TRMT44: variants seen among roughly 807,000 people sequenced by gnomAD.
The protein encoded by TRMT44 is tRNA methyltransferase 44 homolog.
A neutral mutation model predicts 77.3 loss-of-function variants in TRMT44; 78 were observed. The observed-to-expected ratio is 1.01, with a 90% CI of 0.84 to 1.22. The LOEUF (loss-of-function observed/expected upper bound fraction) is 1.22, where lower values mean the gene tolerates loss of function less well. Ranked by LOEUF, TRMT44 falls within the 50% of genes most tolerant of loss-of-function variation. The pLI, the probability that TRMT44 is intolerant of heterozygous loss-of-function variation, is 0.00. For synonymous variants in TRMT44, 391 were observed against 383.3 expected (o/e 1.02, Z -0.23); for missense variants, 1,090 against 964.4 (o/e 1.13, Z -1.73).
At chr4:8,491,707 C>CG (rs1728012369) in intron 2 of TRMT44, among the ~76,000 whole-genome samples, 1 of 152,232 alleles carries the variant, frequency 6.6e-6, no homozygotes, top group South Asian at 2.1e-4. Context: ...GCTCCGAGTG[C>CG]AGGCCCGCCA....
At chr4:8,468,392 T>C (rs1473948440) in intron 9 of TRMT44, 46 bp downstream of exon 9, 1 of 1,583,964 alleles carries the variant, frequency 6.3e-7, no homozygotes, top group Admixed American at 1.7e-5. Flanking sequence ...GCTCCCAGGC[T>C]TGAGGGCAGG....
chr4:8,458,261 C>T (rs1223022317), intron 6 of TRMT44, among the ~76,000 whole-genome samples: 1 of 152,148 alleles, frequency 6.6e-6, no homozygotes, highest in Non-Finnish European at 1.5e-5. Flanking sequence ...TGAAGTTACA[C>T]TGAATGTGCC....
At chr4:8,510,822 G>A in the TRMT44 span, 2 of 152,310 alleles carry the variant, frequency 1.3e-5, no homozygotes, top group African/African-American at 4.8e-5. Flanking sequence ...GGGGGCACAG[G>A]GCTCCCCAAG....
chr4:8,492,696 C>G (rs1343743150), intron 2 of TRMT44, among the ~76,000 whole-genome samples: 1 of 152,226 alleles, frequency 6.6e-6, no homozygotes, highest in Non-Finnish European at 1.5e-5. Context: ...GGACAAATGA[C>G]AGAACTCAAA....
At chr4:8,497,636 C>T (rs1281313836), downstream of TRMT44, among the ~76,000 whole-genome samples, 1 of 152,046 alleles carries the variant, frequency 6.6e-6, no homozygotes, top group East Asian at 1.9e-4. Context: ...CACAGTGAGA[C>T]TCCATCTCAA....
chr4:8,498,278 A>C (rs1257348716), downstream of TRMT44, among the ~76,000 whole-genome samples: 9 of 152,194 alleles, frequency 5.9e-5, no homozygotes. The surrounding 1 kb of genome is among the most constrained non-coding windows in gnomAD (Gnocchi z 4.3). Flanking sequence ...AAAGCCGAGT[A>C]AATGCAGATT....
the TRMT44 span, among the ~76,000 whole-genome samples, chr4:8,505,968 T>C: frequency 6.6e-6 from 1 of 152,232 alleles, no homozygotes; most frequent in Admixed American, 6.5e-5. Context: ...TCCCCAACCA[T>C]GTGGAACTGT....
In TRMT44 at chr4:8,446,200, A is replaced by G. The variant is rs754751208; in HGVS notation, c.620-276A>G. Among the ~76,000 whole-genome samples the G allele has an allele frequency of 5.3e-5, 8 of 152,166 alleles. No homozygotes were observed. The highest frequency in any genetic ancestry group is 1.2e-4 in the African/African-American group (5 of 41,432). ...CTCTGATTGTAGCTCTCAAGTTCCA[A>G]TAGAGTCCACATTGGCTGGCTCTTC... On this transcript the variant is annotated intron_variant, in intron 1 of 10. Transcript: ENST00000389737. The surrounding 1 kb of genome is among the most constrained non-coding windows in gnomAD (Gnocchi z 4.3).
the TRMT44 span, among the ~76,000 whole-genome samples, chr4:8,513,417 C>T: frequency 2.0e-5 from 3 of 152,222 alleles, no homozygotes; most frequent in Non-Finnish European, 4.4e-5. Flanking sequence ...CACTGGGATC[C>T]TCCCACGACA....
chr4:8,455,421 C>T (rs1054823236), intron 6 of TRMT44, among the ~76,000 whole-genome samples: 5 of 152,240 alleles, frequency 3.3e-5, no homozygotes, highest in African/African-American at 4.8e-5. Flanking sequence ...GGATCACCTC[C>T]GGGCACACAG....
rs757641799 is a variant in TRMT44 at position 8,467,956 on chromosome 4, GA to G, written c.1539del (p.Ala514LeufsTer19). On this transcript the variant is annotated frameshift_variant, in exon 9 of 11. Transcript: ENST00000389737. LOFTEE classifies it high-confidence loss of function. Reference sequence around the variant, plus strand: ...ATCCAGAACATACCCTTCCTCCAGAGAAGCTTCCGTGGATGAAAAGAGGACT... The same window carrying G: ...ATCCAGAACATACCCTTCCTCCAGAGAGCTTCCGTGGATGAAAAGAGGACT... ...GKSRTYPSSR[E>X]ASVDEKRTQY... 1.1e-5 allele frequency: 18 copies of G among 1,613,784 alleles called. No homozygotes were observed. In the African/African-American group the frequency reaches 2.4e-4, roughly 21 times the overall value.
At chr4:8,465,827 G>T (rs1029070188) in intron 8 of TRMT44, among the ~76,000 whole-genome samples, 1 of 152,200 alleles carries the variant, frequency 6.6e-6, no homozygotes, top group African/African-American at 2.4e-5. Flanking sequence ...GCTCTGAGTG[G>T]CCCCAGGGGA....
chr4:8,441,678 G>C (rs1724713430), intron 1 of TRMT44, among the ~76,000 whole-genome samples: 1 of 152,308 alleles, frequency 6.6e-6, no homozygotes, highest in Non-Finnish European at 1.5e-5. Flanking sequence ...GGACTAGCTG[G>C]ATATTGCGTA....
At chr4:8,491,866 C>T (rs570380387) in intron 2 of TRMT44, among the ~76,000 whole-genome samples, 83 of 152,360 alleles carry the variant, frequency 5.4e-4, no homozygotes, top group African/African-American at 1.5e-3. Flanking sequence ...CACAGTGCAG[C>T]GGTGGGCTGA....
At chr4:8,471,426 TC>T (rs1726989401) in intron 10 of TRMT44, among the ~76,000 whole-genome samples, 1 of 152,154 alleles carries the variant, frequency 6.6e-6, no homozygotes, top group East Asian at 1.9e-4. Context: ...CCATGCGATG[TC>T]CCCAGGCTGG....
At chr4:8,483,879 G>T (rs951504601) in intron 2 of TRMT44, among the ~76,000 whole-genome samples, 4 of 152,156 alleles carry the variant, frequency 2.6e-5, no homozygotes, top group Non-Finnish European at 4.4e-5. Flanking sequence ...TAGACTAAGA[G>T]GTATTTTAGT....
intron 6 of TRMT44, among the ~76,000 whole-genome samples, chr4:8,460,038 A>G (rs1321316553): frequency 6.6e-6 from 1 of 152,224 alleles, no homozygotes; most frequent in African/African-American, 2.4e-5. Flanking sequence ...AGCCCTGGGC[A>G]CTAGAGCCAT....
chr4:8,471,382 AC>A (rs1726985508), intron 10 of TRMT44, among the ~76,000 whole-genome samples, 182 bp downstream of exon 10: 1 of 151,960 alleles, frequency 6.6e-6, no homozygotes, highest in Non-Finnish European at 1.5e-5. Flanking sequence ...GACGTGGGTC[AC>A]CCCGTTCCCT....
intron 2 of TRMT44, among the ~76,000 whole-genome samples, chr4:8,448,514 G>C (rs565152046): frequency 8.7e-4 from 132 of 152,344 alleles, no homozygotes; most frequent in African/African-American, 3.0e-3. Context: ...ACCTCTGGGG[G>C]ACCCTGGGGA....
Sources: allele counts gnomAD v4.1 joint callset (sites outside exome capture counted in the v4.1 genomes callset), GRCh38; gene constraint gnomAD v4.1.1; non-coding constraint Gnocchi (gnomAD v3.1); transcripts MANE v1.5; gene names NCBI Gene and HGNC (gene_info 2026-07-23, HGNC 2026-07-21).